Variants in CDYL2 observed in about 807,000 individuals in gnomAD.
CDYL2 encodes the protein chromodomain Y like 2, also known as chromodomain Y-like protein 2.
Under a neutral mutation model 49.4 loss-of-function variants are expected in CDYL2, and 23 were observed. That is an observed-to-expected ratio of 0.47 (90% CI 0.34 to 0.66). The LOEUF (loss-of-function observed/expected upper bound fraction) is 0.66. Among genes scored for constraint, CDYL2 ranks in the 30% least tolerant of loss-of-function variants. The probability of loss-of-function intolerance (pLI) is 0.01; values close to 1 mark genes in which losing one functional copy is unlikely to be tolerated. For missense variants in CDYL2, 678 were observed against 656.4 expected (o/e 1.03, Z -0.36); for synonymous variants, 360 against 268.8 (o/e 1.34, Z -3.32).
At chr16:80,772,965 T>A (rs989221179) in intron 1 of CDYL2, among the ~76,000 whole-genome samples, 1 of 152,166 alleles carries the variant, frequency 6.6e-6, no homozygotes, top group Non-Finnish European at 1.5e-5. Context: ...AATATATGTA[T>A]AATTATATTA....
chr16:80,682,296 G>A (rs944771697), intron 2 of CDYL2, among the ~76,000 whole-genome samples: 3 of 152,162 alleles, frequency 2.0e-5, no homozygotes, highest in African/African-American at 7.2e-5. Context: ...ATATGAGGAA[G>A]ATAAGAGATC....
chr16:80,794,955 C>T (rs1907726189), intron 1 of CDYL2, among the ~76,000 whole-genome samples: 1 of 152,078 alleles, frequency 6.6e-6, no homozygotes, highest in African/African-American at 2.4e-5. Context: ...AGCCCTAGTA[C>T]CACCATAGTT....
At chr16:80,794,560 T>G (rs904270335) in intron 1 of CDYL2, among the ~76,000 whole-genome samples, 3 of 151,302 alleles carry the variant, frequency 2.0e-5, no homozygotes, top group African/African-American at 7.3e-5. Flanking sequence ...TTAAACCATA[T>G]ACGATTGTTG....
At chr16:80,797,603 A>G (rs74030449) in intron 1 of CDYL2, among the ~76,000 whole-genome samples, 4,340 of 152,242 alleles carry the variant, frequency 0.029, 219 homozygotes, top group African/African-American at 0.1. Flanking sequence ...ATGTCATAGA[A>G]CATATCATAT....
intron 2 of CDYL2, among the ~76,000 whole-genome samples, chr16:80,673,378 A>C (rs183762275): frequency 6.6e-6 from 1 of 152,304 alleles, no homozygotes; most frequent in East Asian, 1.9e-4. Context: ...GTCAACTTCA[A>C]CACTTTCCAG....
chr16:80,778,884 A>G (rs564693944), intron 1 of CDYL2, among the ~76,000 whole-genome samples: 1 of 152,242 alleles, frequency 6.6e-6, no homozygotes, highest in African/African-American at 2.4e-5. Context: ...TCAGAGGGAA[A>G]ATAATGACTC....
At chr16:80,776,103 C>A (rs900811726) in intron 1 of CDYL2, among the ~76,000 whole-genome samples, 1 of 151,992 alleles carries the variant, frequency 6.6e-6, no homozygotes, top group African/African-American at 2.4e-5. Context: ...CACCCTCCCA[C>A]GTTAATTCTT....
chr16:80,717,189 G>A (rs996186490), intron 1 of CDYL2, among the ~76,000 whole-genome samples: 11 of 151,424 alleles, frequency 7.3e-5, no homozygotes, highest in Non-Finnish European at 1.5e-5. Flanking sequence ...ATGGATGGAT[G>A]GAGACAGCCC....
At chr16:80,728,363 T>A (rs1478782115) in intron 1 of CDYL2, among the ~76,000 whole-genome samples, 1 of 151,752 alleles carries the variant, frequency 6.6e-6, no homozygotes, top group African/African-American at 2.4e-5. Context: ...GAAGATGAAA[T>A]GAATGAAATG....
At chr16:80,743,054 A>G (rs918131023) in intron 1 of CDYL2, among the ~76,000 whole-genome samples, 3 of 152,038 alleles carry the variant, frequency 2.0e-5, no homozygotes, top group Non-Finnish European at 4.4e-5. Context: ...GGATGGCTGT[A>G]TGGAGGGATG....
At chr16:80,743,018 G>C (rs1362654870) in intron 1 of CDYL2, among the ~76,000 whole-genome samples, 2 of 138,992 alleles carry the variant, frequency 1.4e-5, no homozygotes, top group African/African-American at 5.1e-5. Flanking sequence ...GGATGGGTAA[G>C]AGGGTGGGTG....
In CDYL2 at chr16:80,759,102, CTATATATATATATATATATA is replaced by C. The variant is rs59240300; in HGVS notation, c.24+45028_24+45047del. On this transcript the variant is annotated intron_variant, in intron 1 of 6. Coordinates refer to ENST00000570137, the MANE Select transcript of CDYL2 (RefSeq NM_152342.4). ...AAATGTAATATCTACAAACCATATACTATATATATATATATATATATATATATATATATATATGGTTTATA... is the reference window on the plus strand; with the variant it reads ...AAATGTAATATCTACAAACCATATACTATATATATATATATATGGTTTATA... Among the ~76,000 whole-genome samples the C allele has an allele frequency of 7.5e-3, 473 of 63,372 alleles. 14 individuals carry two copies. Among genetic ancestry groups the C allele is most frequent in the African/African-American group, 0.033 (432 of 12,996 alleles). The allele number at this position is 63,372 out of a possible 152,430, so 41.6% of individuals were successfully genotyped here. A position where few individuals can be genotyped will look rare whatever the true frequency, so the allele number is the denominator to read the frequency against.
intron 4 of CDYL2, among the ~76,000 whole-genome samples, chr16:80,613,456 G>A (rs1009062443): frequency 6.6e-6 from 1 of 152,132 alleles, no homozygotes; most frequent in African/African-American, 2.4e-5. Context: ...CACCTAGGAT[G>A]GTCTGATTCT....
intron 1 of CDYL2, among the ~76,000 whole-genome samples, chr16:80,738,913 T>TA (rs1038725438): frequency 2.6e-4 from 40 of 152,264 alleles, no homozygotes; most frequent in African/African-American, 5.1e-4. Context: ...AACAACTTTG[T>TA]AAAAAAAGCG....
At chr16:80,621,452 T>A (rs1907080771) in intron 3 of CDYL2, among the ~76,000 whole-genome samples, 1 of 152,190 alleles carries the variant, frequency 6.6e-6, no homozygotes, top group Non-Finnish European at 1.5e-5. Flanking sequence ...CAGACCTGGG[T>A]TCAGTGTCCC....
chr16:80,671,072 C>T (rs1909483696), intron 2 of CDYL2: 1 of 448,798 alleles, frequency 2.2e-6, no homozygotes, highest in African/African-American at 2.0e-5. Flanking sequence ...AGGCTTCTCT[C>T]TCCTGCCGCA....
intron 2 of CDYL2, among the ~76,000 whole-genome samples, chr16:80,643,064 G>A (rs1358596839): frequency 1.3e-5 from 2 of 152,174 alleles, no homozygotes; most frequent in Admixed American, 6.5e-5. Flanking sequence ...CTATAAGCCT[G>A]TAAAATCAAA....
At chr16:80,695,978 CCAGGATAGACCATA>C (rs1910600126) in intron 1 of CDYL2, among the ~76,000 whole-genome samples, 1 of 152,176 alleles carries the variant, frequency 6.6e-6, no homozygotes, top group African/African-American at 2.4e-5. Context: ...GAAGCATTCT[CCAGGATAGACCATA>C]CATCATGCCA....
At chr16:80,766,744 C>T (rs936898941) in intron 1 of CDYL2, among the ~76,000 whole-genome samples, 19 of 152,116 alleles carry the variant, frequency 1.2e-4, no homozygotes, top group African/African-American at 4.1e-4. Flanking sequence ...TAGAAAATGA[C>T]GCAAAGCTGC....
Sources: gnomAD v4.1 joint callset for allele counts (sites outside exome capture counted in the v4.1 genomes callset) on GRCh38, gnomAD v4.1.1 for gene constraint, MANE v1.5 for transcripts, NCBI Gene and HGNC (gene_info 2026-07-23, HGNC 2026-07-21) for gene names.